CD80: variants seen among roughly 807,000 people sequenced by gnomAD.
CD80 encodes the protein T-lymphocyte activation antigen CD80.
Under a neutral mutation model 27.1 loss-of-function variants are expected in CD80, and 13 were observed. That is an observed-to-expected ratio of 0.48 (90% CI 0.31 to 0.76). The LOEUF (loss-of-function observed/expected upper bound fraction) is 0.76, where lower values mean the gene tolerates loss of function less well. Ranked by LOEUF, CD80 falls within the 30% of genes least tolerant of loss-of-function variation. CD80 has a pLI of 0.04. For synonymous variants in CD80, 125 were observed against 125.5 expected, an observed-to-expected ratio of 1.00 and a Z score of 0.03; for missense variants, 277 against 347.9, an observed-to-expected ratio of 0.80 and a Z score of 1.62.
chr3:119,535,827 C>A (rs2107741593), intron 4 of CD80, among the ~76,000 whole-genome samples: 1 of 152,206 alleles, frequency 6.6e-6, no homozygotes, highest in South Asian at 2.1e-4. Flanking sequence ...AAAGAAAGCA[C>A]CAAATCCCTA....
chr3:119,529,981 C>T lies in CD80; in HGVS notation c.701-44G>A, dbSNP rs1011308878. The T allele has an allele frequency of 6.1e-6, 8 of 1,322,018 alleles. 1 individual carries two copies. The highest frequency in any genetic ancestry group is 3.4e-5 in the Admixed American group (2 of 59,034). 81.9% of individuals were successfully genotyped at this position (1,322,018 alleles called of 1,614,324 possible). A position where few individuals can be genotyped will look rare whatever the true frequency, so the allele number is the denominator to read the frequency against. On this transcript the variant is annotated intron_variant, in intron 4 of 6. Coordinates refer to ENST00000264246, the MANE Select transcript of CD80 (RefSeq NM_005191.4). ...AATGTCAGCTGTAATGTATTTCCTA[C>T]TGCCTGATACTCATTCTGTGCCTTT...
chr3:119,535,973 C>T (rs529924941), intron 4 of CD80, among the ~76,000 whole-genome samples: 68 of 152,112 alleles, frequency 4.5e-4, no homozygotes, highest in African/African-American at 1.5e-3. Flanking sequence ...AAAATAAGGC[C>T]GGGTGCAGTG....
intron 3 of CD80, among the ~76,000 whole-genome samples, chr3:119,543,211 C>A (rs930281011): frequency 6.6e-6 from 1 of 152,240 alleles, no homozygotes; most frequent in Admixed American, 6.5e-5. Context: ...ATTCCCCTGT[C>A]TTGATGAATT....
intron 6 of CD80, among the ~76,000 whole-genome samples, chr3:119,526,963 C>A (rs1478184302): frequency 6.6e-6 from 1 of 152,094 alleles, no homozygotes; most frequent in African/African-American, 2.4e-5. Context: ...ATGAAAATAC[C>A]TGGGGATTTG....
Position 119,553,150 on chromosome 3 carries a change from T to C in CD80, c.100+4479A>G, listed in dbSNP as rs1466392642. Among the ~76,000 whole-genome samples, 21 of 140,092 alleles carry C rather than the reference T, an allele frequency of 1.5e-4. No individual in the cohort carries two copies. In the South Asian group the frequency reaches 4.7e-3, roughly 31 times the overall value. 91.9% of individuals were successfully genotyped at this position (140,092 alleles called of 152,430 possible). On this transcript the variant is annotated intron_variant, in intron 2 of 6. Coordinates refer to ENST00000264246, the MANE Select transcript of CD80 (RefSeq NM_005191.4). ...TTATTTATTTATTTATTTATTTATT[T>C]ATTTACTGAGGCAGAGTCTCGCTCT...
chr3:119,533,361 T>C (rs34844599), intron 4 of CD80, among the ~76,000 whole-genome samples: 20,747 of 151,664 alleles, frequency 0.14, 1,751 homozygotes, highest in East Asian at 0.38. Flanking sequence ...TTGGTGAGAC[T>C]ACACTAAAAA....
intron 2 of CD80, among the ~76,000 whole-genome samples, chr3:119,552,155 A>G (rs972321254): frequency 3.3e-5 from 5 of 152,134 alleles, no homozygotes; most frequent in Non-Finnish European, 7.3e-5. Flanking sequence ...AGAGGAAGCT[A>G]TTTGCCAACA....
chr3:119,535,263 G>C (rs1047582578), intron 4 of CD80, among the ~76,000 whole-genome samples: 2 of 151,334 alleles, frequency 1.3e-5, no homozygotes, highest in African/African-American at 4.9e-5. Flanking sequence ...TGAATTACTA[G>C]ACCATCTAAA....
In CD80 at chr3:119,535,474, G is replaced by A. The variant is rs143396756; in HGVS notation, c.700+1663C>T. Among the ~76,000 whole-genome samples, 1,192 of 152,208 alleles carry A rather than the reference G, an allele frequency of 7.8e-3. 15 individuals carry two copies. The highest frequency in any genetic ancestry group is 0.027 in the African/African-American group (1,126 of 41,542). ...CCTGTGGTCCTCTGTATGATCAGCC[G>A]TACAATTTAAACAAGTATTAATATT... is the stretch of plus-strand genomic sequence containing the variant. On this transcript the variant is annotated intron_variant, in intron 4 of 6. Transcript: ENST00000264246.
At chr3:119,527,099 AC>A (rs1430696177) in intron 6 of CD80, among the ~76,000 whole-genome samples, 3 of 152,134 alleles carry the variant, frequency 2.0e-5, no homozygotes, top group Admixed American at 6.6e-5. Context: ...GGTTCCGTTT[AC>A]CCCATTCATG....
intron 3 of CD80, among the ~76,000 whole-genome samples, chr3:119,538,850 AC>A (rs1454385682): frequency 2.0e-5 from 3 of 152,152 alleles, no homozygotes; most frequent in African/African-American, 7.2e-5. Context: ...CAAACCTGTG[AC>A]CTGCCTTTTG....
intron 4 of CD80, among the ~76,000 whole-genome samples, chr3:119,530,217 A>T (rs1194989586): frequency 6.6e-6 from 1 of 152,234 alleles, no homozygotes; most frequent in Non-Finnish European, 1.5e-5. Context: ...ATCTTTTACA[A>T]GCCATCTTGC....
At chr3:119,527,035 G>A (rs116828455) in intron 6 of CD80, among the ~76,000 whole-genome samples, 2,082 of 152,258 alleles carry the variant, frequency 0.014, 46 homozygotes, top group African/African-American at 0.048. Context: ...CCAGACCCCA[G>A]ATAATAATTA....
chr3:119,553,103 CTTTATTTATTTAT>C (rs1310327689), intron 2 of CD80, among the ~76,000 whole-genome samples: 6 of 134,088 alleles, frequency 4.5e-5, no homozygotes, highest in Non-Finnish European at 7.8e-5. Flanking sequence ...GAATTGTACA[CTTTATTTATTTAT>C]TTATTTATTT....
At chr3:119,547,941 C>T (rs1409380750) in intron 2 of CD80, among the ~76,000 whole-genome samples, 4 of 152,212 alleles carry the variant, frequency 2.6e-5, no homozygotes. Flanking sequence ...TCTTCCCCTT[C>T]CCTGAATCTC....
chr3:119,542,573 T>C (rs2082175826), intron 3 of CD80, among the ~76,000 whole-genome samples: 1 of 152,202 alleles, frequency 6.6e-6, no homozygotes, highest in Non-Finnish European at 1.5e-5. Flanking sequence ...TATCCTCTGT[T>C]ATACTGTAAT....
At chr3:119,551,585 CT>C (rs1427643802) in intron 2 of CD80, among the ~76,000 whole-genome samples, 1 of 152,122 alleles carries the variant, frequency 6.6e-6, no homozygotes, top group Non-Finnish European at 1.5e-5. Context: ...GCCCCTTGAC[CT>C]TGGACTTCCC....
At chr3:119,552,683 A>G (rs2082240121) in intron 2 of CD80, among the ~76,000 whole-genome samples, 3 of 152,156 alleles carry the variant, frequency 2.0e-5, no homozygotes, top group Admixed American at 1.3e-4. Flanking sequence ...CAAAAAGAAA[A>G]AATAGATCTC....
In CD80 at chr3:119,525,207, A is replaced by G. The variant is rs750322954; in HGVS notation, c.*581T>C. The G allele has an allele frequency of 2.0e-5, 3 of 152,238 alleles. No homozygotes were observed. The highest frequency in any genetic ancestry group is 4.4e-5 in the Non-Finnish European group (3 of 68,046). 9.4% of individuals were successfully genotyped at this position (152,238 alleles called of 1,614,324 possible). A position where few individuals can be genotyped will look rare whatever the true frequency, so the allele number is the denominator to read the frequency against. Reference sequence around the variant, plus strand: ...AAAATGGAATACTGGGTAAACACCAATAATATTTCCATTAGTCTCCTAAAG... The same window carrying G: ...AAAATGGAATACTGGGTAAACACCAGTAATATTTCCATTAGTCTCCTAAAG... On this transcript the variant is annotated 3_prime_UTR_variant, in exon 7 of 7. Coordinates refer to ENST00000264246, the MANE Select transcript of CD80 (RefSeq NM_005191.4).
Sources: gnomAD v4.1 joint callset for allele counts (sites outside exome capture counted in the v4.1 genomes callset) on GRCh38, gnomAD v4.1.1 for gene constraint, MANE v1.5 for transcripts, NCBI Gene and HGNC (gene_info 2026-07-23, HGNC 2026-07-21) for gene names.